The following COQ10B variants were observed in gnomAD, a reference collection of about 807,000 sequenced individuals.
COQ10B encodes coenzyme Q-binding protein COQ10 homolog B, mitochondrial.
COQ10B carries 12 observed loss-of-function variants against 27.6 expected under a neutral mutation model. The observed-to-expected ratio is 0.43, with a 90% CI of 0.28 to 0.70. The LOEUF (loss-of-function observed/expected upper bound fraction) is 0.70, where lower values mean the gene tolerates loss of function less well. Among genes scored for constraint, COQ10B ranks in the 30% least tolerant of loss-of-function variants. The pLI is 0.17. For synonymous variants in COQ10B, 115 were observed against 103.0 expected (o/e 1.12, Z -0.71); for missense variants, 278 against 288.7 (o/e 0.96, Z 0.27).
chr2:197,462,651 A>G lies in COQ10B; in HGVS notation c.367A>G (p.Thr123Ala). Residue 123 changes from threonine (T) to alanine (A), a missense_variant, in exon 3 of 5, where the codon ACA (threonine) becomes GCA (alanine). Coordinates refer to ENST00000263960, the MANE Select transcript of COQ10B (RefSeq NM_025147.5). ...ATCAAAGAGATCTGGATATTGTAAA[A>G]CAAGATTAGAAATTGGATTTCCACC... ...VISKRSGYCKTRLEIGFPPVL... is the reference protein window; with the variant it reads ...VISKRSGYCKARLEIGFPPVL... 1.2e-6 allele frequency: 2 copies of G among 1,604,382 alleles called. No homozygotes were observed. Among genetic ancestry groups the G allele is most frequent in the Non-Finnish European group, 1.7e-6 (2 of 1,175,488 alleles).
At chr2:197,467,094 G>A (rs180920659) in intron 3 of COQ10B, among the ~76,000 whole-genome samples, 158 of 151,488 alleles carry the variant, frequency 1.0e-3, no homozygotes, top group African/African-American at 3.6e-3. Flanking sequence ...TTATAGGCAC[G>A]TGCCACCACA....
At chr2:197,473,517 T>TACAC (rs147497939) in intron 4 of COQ10B, among the ~76,000 whole-genome samples, 14 of 140,582 alleles carry the variant, frequency 1.0e-4, no homozygotes, top group South Asian at 2.2e-4. Flanking sequence ...CGTATATATA[T>TACAC]ACACACACAC....
In COQ10B at chr2:197,473,825, G is replaced by A; in HGVS notation, c.618G>A (p.Lys206=). 1 of 1,601,776 alleles carries A rather than the reference G, an allele frequency of 6.2e-7. No homozygotes were observed. The highest frequency in any genetic ancestry group is 8.5e-7 in the Non-Finnish European group (1 of 1,172,096). Reference sequence around the variant, plus strand: ...CACTCTTTTTTGATGAAGTTGTGAAGCAGATGGTAGCTGCCTTTGAAAGAA... The same window carrying A: ...CACTCTTTTTTGATGAAGTTGTGAAACAGATGGTAGCTGCCTTTGAAAGAA... The part of the protein sequence containing the change: ...LATLFFDEVV[K]QMVAAFERRA... Residue 206 remains lysine, a synonymous_variant, in exon 5 of 5, where the codon AAG becomes AAA. Transcript: ENST00000263960.
intron 4 of COQ10B, among the ~76,000 whole-genome samples, chr2:197,472,938 T>G (rs993821661): frequency 6.6e-6 from 1 of 152,250 alleles, no homozygotes; most frequent in African/African-American, 2.4e-5. Flanking sequence ...AAGGATCACT[T>G]TCCTTCCTTA....
intron 2 of COQ10B, 140 bp downstream of exon 2, chr2:197,460,221 T>C: frequency 3.6e-6 from 2 of 560,048 alleles, no homozygotes; most frequent in Non-Finnish European, 5.8e-6. Context: ...TTTTTTTTTT[T>C]TTTTTCTTTT....
At chr2:197,465,441 C>T (rs1198517788) in intron 3 of COQ10B, among the ~76,000 whole-genome samples, 8 of 152,130 alleles carry the variant, frequency 5.3e-5, no homozygotes, top group Non-Finnish European at 1.5e-5. Context: ...AGCCATGTGC[C>T]ACCACGCTCG....
intron 4 of COQ10B, among the ~76,000 whole-genome samples, chr2:197,473,444 A>ACC (rs2085903994): frequency 8.6e-6 from 1 of 116,312 alleles, no homozygotes; most frequent in African/African-American, 3.2e-5. Flanking sequence ...ATATATATAC[A>ACC]CATATATACA....
chr2:197,460,015 C>G lies in COQ10B; in HGVS notation c.188C>G (p.Thr63Ser). 1.2e-6 allele frequency: 2 copies of G among 1,611,638 alleles called. No individual in the cohort carries two copies. Among genetic ancestry groups the G allele is most frequent in the Non-Finnish European group, 1.7e-6 (2 of 1,178,124 alleles). ...SILPKEICAR[T>S]FFKITAPLIN... ...TTGCCTAAGGAGATATGTGCACGAA[C>G]TTTCTTCAAAATCACTGCACCATTA... The change falls in exon 2 of 5, where the codon ACT becomes AGT. Residue 63 changes from threonine to serine, a missense_variant. Around this residue, in one of 3 missense-constraint regions of COQ10B, gnomAD observed 183 missense variants for 158.2 expected, o/e 1.16. Transcript: ENST00000263960.
chr2:197,469,046 A>AT lies in COQ10B; in HGVS notation c.448-1018dup, dbSNP rs529438055. 4.0e-5 allele frequency among the ~76,000 whole-genome samples: 6 copies of AT among 151,442 alleles called. No homozygotes were observed. The South Asian group carries it at 1.2e-3, about 31-fold the overall frequency. ...TATTTTTTATTTTTATTTTTATTTT[A>AT]TTTTTTCAGACAGTGTCTGGCTCTG... is the stretch of plus-strand genomic sequence containing the variant. On this transcript the variant is annotated intron_variant, in intron 3 of 4. Transcript: ENST00000263960.
chr2:197,455,498 C>T, intron 1 of COQ10B, among the ~76,000 whole-genome samples: 1 of 151,984 alleles, frequency 6.6e-6, no homozygotes, highest in African/African-American at 2.4e-5. Flanking sequence ...TATACACATA[C>T]ACATATACAG....
intron 2 of COQ10B, among the ~76,000 whole-genome samples, chr2:197,461,655 GA>G (rs2085759826): frequency 6.6e-6 from 1 of 150,814 alleles, no homozygotes; most frequent in South Asian, 2.1e-4. Context: ...GAGAGAGAGA[GA>G]GAGAGAGAGG....
chr2:197,471,680 G>A (rs894496996), intron 4 of COQ10B, among the ~76,000 whole-genome samples: 4 of 151,870 alleles, frequency 2.6e-5, no homozygotes, highest in South Asian at 2.1e-4. Flanking sequence ...AGTGGCTCAC[G>A]CCTGTAATCC....
chr2:197,454,683 ATGT>A (rs2085677015), intron 1 of COQ10B, among the ~76,000 whole-genome samples: 1 of 152,112 alleles, frequency 6.6e-6, no homozygotes, highest in South Asian at 2.1e-4. Flanking sequence ...CTCTTATAAA[ATGT>A]TGTCTTGCAA....
chr2:197,453,941 G>A, intron 1 of COQ10B: 1 of 1,548,958 alleles, frequency 6.5e-7, no homozygotes, highest in Non-Finnish European at 8.7e-7. Context: ...GGTGCCTTTG[G>A]GCTCTTCCGG....
chr2:197,473,718 AT>A (rs1457372280), intron 4 of COQ10B, 38 bp from the exon 5 acceptor site: 1 of 1,367,518 alleles, frequency 7.3e-7, no homozygotes, highest in South Asian at 1.7e-5. Flanking sequence ...AAAGCAAAAA[AT>A]AATTTTTTCT....
rs947013292 is a variant in COQ10B, at chr2:197,475,210, A to G, written c.*1286A>G. ...ACATAGTAAAGTGTTACAGCATTTC[A>G]TGTCTTAAAAATATCTATGAAGATA... is the stretch of plus-strand genomic sequence containing the variant. On this transcript the variant is annotated 3_prime_UTR_variant, in exon 5 of 5. Transcript: ENST00000263960. 1.3e-5 allele frequency: 2 copies of G among 152,334 alleles called. No homozygotes were observed. Among genetic ancestry groups the G allele is most frequent in the Admixed American group, 6.5e-5 (1 of 15,280 alleles). The allele number at this position is 152,334 out of a possible 1,614,324, so 9.4% of individuals were successfully genotyped here. A position where few individuals can be genotyped will look rare whatever the true frequency, so the allele number is the denominator to read the frequency against.
chr2:197,472,257 A>G (rs1381824959), intron 4 of COQ10B, among the ~76,000 whole-genome samples: 1 of 152,160 alleles, frequency 6.6e-6, no homozygotes, highest in Non-Finnish European at 1.5e-5. Context: ...TATATGGAAC[A>G]ATGAGAGGGT....
chr2:197,466,710 A>G (rs989915667), intron 3 of COQ10B, among the ~76,000 whole-genome samples: 6 of 152,194 alleles, frequency 3.9e-5, no homozygotes, highest in Admixed American at 2.0e-4. Context: ...AATAACCTGC[A>G]TTAGATGATC....
intron 4 of COQ10B, among the ~76,000 whole-genome samples, chr2:197,470,767 T>G (rs1436549877): frequency 1.3e-5 from 2 of 152,146 alleles, no homozygotes; most frequent in African/African-American, 2.4e-5. Flanking sequence ...TGGTGGCATG[T>G]GCCTGTAATC....
Sources: allele counts gnomAD v4.1 joint callset (sites outside exome capture counted in the v4.1 genomes callset), GRCh38; gene constraint gnomAD v4.1.1; regional missense constraint gnomAD v4.1.1; transcripts MANE v1.5; gene names NCBI Gene and HGNC (gene_info 2026-07-23, HGNC 2026-07-21).